Variants in CDH13 observed in about 807,000 individuals in gnomAD.
The protein encoded by CDH13 is cadherin-13.
In CDH13, 24 loss-of-function variants were observed where a neutral mutation model predicts 63.8. The ratio of observed to expected loss-of-function variants is 0.38; its 90% CI spans 0.27 to 0.53. The LOEUF (loss-of-function observed/expected upper bound fraction) is 0.53, where lower values mean the gene tolerates loss of function less well. CDH13 is among the 20% of genes least tolerant of loss of function. The pLI, the probability that CDH13 is intolerant of heterozygous loss-of-function variation, is 0.85. For missense variants in CDH13, 1,049 were observed against 903.1 expected (o/e 1.16, Z -2.07); for synonymous variants, 503 against 355.3 (o/e 1.42, Z -4.67).
At chr16:83,761,485 A>G (rs1160956097) in intron 11 of CDH13, among the ~76,000 whole-genome samples, 1 of 152,226 alleles carries the variant, frequency 6.6e-6, no homozygotes, top group Non-Finnish European at 1.5e-5. Flanking sequence ...CATGTAGTGG[A>G]AGAAGATTTA....
At chr16:83,078,666 A>G (rs1265561336) in intron 3 of CDH13, among the ~76,000 whole-genome samples, 1 of 152,210 alleles carries the variant, frequency 6.6e-6, no homozygotes, top group East Asian at 1.9e-4. Context: ...TTCAGTCAGA[A>G]TGTAGTTTCC....
intron 6 of CDH13, among the ~76,000 whole-genome samples, chr16:83,466,070 G>C (rs907988652): frequency 6.6e-6 from 1 of 152,126 alleles, no homozygotes; most frequent in Admixed American, 6.5e-5. Flanking sequence ...CTCGAGGCAG[G>C]ACCACCCCCC....
At chr16:82,780,637 CAAGGGAAGATTCATGGTTT>C (rs1456634356) in intron 1 of CDH13, among the ~76,000 whole-genome samples, 4 of 152,128 alleles carry the variant, frequency 2.6e-5, no homozygotes, top group African/African-American at 9.7e-5. Context: ...TAGTTTAGCT[CAAGGGAAGATTCATGGTTT>C]AATAAACTTA....
intron 7 of CDH13, among the ~76,000 whole-genome samples, chr16:83,501,967 A>G (rs550359499): frequency 6.3e-4 from 96 of 152,276 alleles, no homozygotes; most frequent in African/African-American, 2.0e-3. Context: ...GAATTCACAA[A>G]TGTGAATCTG....
intron 1 of CDH13, among the ~76,000 whole-genome samples, chr16:82,688,198 C>A (rs1473657887): frequency 1.3e-5 from 2 of 152,202 alleles, no homozygotes; most frequent in African/African-American, 2.4e-5. Flanking sequence ...TCGTCCAACA[C>A]TGGTATAGCC....
intron 7 of CDH13, among the ~76,000 whole-genome samples, chr16:83,580,486 C>T (rs1362148431): frequency 2.5e-5 from 3 of 119,066 alleles, no homozygotes; most frequent in African/African-American, 9.3e-5. Context: ...CTCTCTCTCT[C>T]TCTCTCTCTC....
chr16:83,302,218 C>G (rs1448661379), intron 5 of CDH13, among the ~76,000 whole-genome samples: 1 of 152,152 alleles, frequency 6.6e-6, no homozygotes, highest in East Asian at 1.9e-4. Flanking sequence ...AAGTCAGAAT[C>G]CCTAATTTTA....
Position 83,041,154 on chromosome 16 carries a change from A to G in CDH13, c.366+8936A>G, listed in dbSNP as rs967329729. On this transcript the variant is annotated intron_variant, in intron 3 of 13. Transcript: ENST00000567109. Reference sequence around the variant, plus strand: ...CTGGAAGTCAATACAAGTTGCCTCAATAAAGGGAAACTGGTCTCTTAATCA... The same window carrying G: ...CTGGAAGTCAATACAAGTTGCCTCAGTAAAGGGAAACTGGTCTCTTAATCA... Among the ~76,000 whole-genome samples the G allele has an allele frequency of 2.0e-5, 3 of 152,334 alleles. No homozygotes were observed. In the East Asian group the frequency reaches 5.8e-4, roughly 29 times the overall value.
In CDH13 at chr16:83,284,417, C is replaced by A. The variant is rs765167276; in HGVS notation, c.637-60445C>A. On this transcript the variant is annotated intron_variant, in intron 5 of 13. Transcript: ENST00000567109. ...TTTCACAGGTAAAAGTAAAATGAGA[C>A]CACTCATTAAAATATATTTACTCTA... Among the ~76,000 whole-genome samples the A allele has an allele frequency of 2.6e-5, 4 of 152,132 alleles. No individual in the cohort carries two copies. The East Asian group carries it at 7.7e-4, about 29-fold the overall frequency.
chr16:83,249,569 T>C (rs1439362594), intron 5 of CDH13, among the ~76,000 whole-genome samples: 1 of 152,192 alleles, frequency 6.6e-6, no homozygotes, highest in Non-Finnish European at 1.5e-5. Flanking sequence ...TTCTATCTGT[T>C]TTACAGGTAA....
chr16:83,081,028 T>G (rs920277953), intron 3 of CDH13, among the ~76,000 whole-genome samples: 1 of 151,664 alleles, frequency 6.6e-6, no homozygotes, highest in Admixed American at 6.6e-5. Context: ...ACTACAGGCA[T>G]GCGCCACCAG....
intron 3 of CDH13, among the ~76,000 whole-genome samples, chr16:83,077,214 A>G (rs2032914762): frequency 1.9e-5 from 1 of 52,568 alleles, no homozygotes; most frequent in Admixed American, 2.9e-4. Flanking sequence ...TTTTTTTGAG[A>G]CAGAGTCTCA....
At chr16:83,328,761 A>G (rs2090423081) in intron 5 of CDH13, among the ~76,000 whole-genome samples, 1 of 152,164 alleles carries the variant, frequency 6.6e-6, no homozygotes, top group African/African-American at 2.4e-5. Flanking sequence ...TCTTTGACTC[A>G]GGCATTGTAC....
At chr16:82,821,672 A>G (rs371110218) in intron 1 of CDH13, among the ~76,000 whole-genome samples, 27 of 152,374 alleles carry the variant, frequency 1.8e-4, no homozygotes, top group African/African-American at 6.5e-4. Context: ...AATGACTTGA[A>G]AGAAGGAGAG....
chr16:83,788,004 G>A (rs780991522), intron 13 of CDH13, among the ~76,000 whole-genome samples: 1 of 152,228 alleles, frequency 6.6e-6, no homozygotes, highest in Admixed American at 6.5e-5. Flanking sequence ...TCGGAGAGCA[G>A]TACTTCCTAT....
At chr16:83,652,132 A>G (rs1339602203) in intron 8 of CDH13, among the ~76,000 whole-genome samples, 1 of 152,214 alleles carries the variant, frequency 6.6e-6, no homozygotes, top group Non-Finnish European at 1.5e-5. Context: ...TGCTCATGGG[A>G]ATTACAGTCG....
chr16:83,154,609 A>C (rs1017299161), intron 4 of CDH13, among the ~76,000 whole-genome samples: 2 of 152,084 alleles, frequency 1.3e-5, no homozygotes, highest in Non-Finnish European at 2.9e-5. Flanking sequence ...TTATTCACCA[A>C]GATTAGGAGG....
chr16:83,289,976 T>G (rs192071064), intron 5 of CDH13, among the ~76,000 whole-genome samples: 5 of 152,280 alleles, frequency 3.3e-5, no homozygotes, highest in African/African-American at 1.2e-4. Context: ...TAGCCCCTTC[T>G]AATCACCAGC....
intron 5 of CDH13, among the ~76,000 whole-genome samples, chr16:83,263,217 C>T (rs1417957181): frequency 6.6e-6 from 1 of 152,200 alleles, no homozygotes; most frequent in Admixed American, 6.5e-5. Flanking sequence ...CATAAGTTCT[C>T]AGATGGGAAA....
Sources: gnomAD v4.1 joint callset for allele counts (sites outside exome capture counted in the v4.1 genomes callset) on GRCh38, gnomAD v4.1.1 for gene constraint, MANE v1.5 for transcripts, NCBI Gene and HGNC (gene_info 2026-07-23, HGNC 2026-07-21) for gene names.